The following EDEM3 variants were observed in gnomAD, a reference collection of about 807,000 sequenced individuals.
EDEM3 encodes ER degradation-enhancing alpha-mannosidase-like protein 3.
In EDEM3, 60 loss-of-function variants were observed where a neutral mutation model predicts 110.2. The ratio of observed to expected loss-of-function variants is 0.54; its 90% CI spans 0.44 to 0.67. EDEM3 has a LOEUF of 0.67. Among genes scored for constraint, EDEM3 ranks in the 30% least tolerant of loss-of-function variants. The pLI is 0.00. For missense variants in EDEM3, 996 were observed against 1,121.0 expected (o/e 0.89, Z 1.59); for synonymous variants, 352 against 382.9 (o/e 0.92, Z 0.94).
At chr1:184,719,592 A>C (rs1343230295) in intron 9 of EDEM3, 24 bp from the exon 10 acceptor site, 1 of 1,610,778 alleles carries the variant, frequency 6.2e-7, no homozygotes, top group Non-Finnish European at 8.5e-7. Context: ...ACATGTGTTC[A>C]TGAAAGTTAG....
rs377279843 is a variant in EDEM3, at chr1:184,754,471, G to C, written c.158+18C>G. On this transcript the variant is annotated intron_variant, in intron 1 of 19. Transcript: ENST00000318130. ...CAGCCTCACCGAGAAACCCACCCCA[G>C]GCTGCCAGCACCCTTACCCAAGCTT... The C allele has an allele frequency of 8.7e-6, 14 of 1,612,596 alleles. No homozygotes were observed. The East Asian group carries it at 2.2e-4, about 26-fold the overall frequency.
intron 2 of EDEM3, among the ~76,000 whole-genome samples, chr1:184,740,492 A>C (rs1652076895): frequency 6.6e-6 from 1 of 152,230 alleles, no homozygotes; most frequent in Admixed American, 6.5e-5. Context: ...TAACATGCTC[A>C]TCATGATCAG....
chr1:184,749,597 T>C lies in EDEM3; in HGVS notation c.159-5A>G. The C allele has an allele frequency of 1.9e-6, 3 of 1,545,696 alleles. No homozygotes were observed. The highest frequency in any genetic ancestry group is 2.6e-6 in the Non-Finnish European group (3 of 1,144,654). ...AACATTTCCAGTACTTGATTCCTAA[T>C]TTTAAAAGAGCAGAAATGGAAAAAA... On this transcript the variant is annotated splice_polypyrimidine_tract_variant and splice_region_variant and intron_variant, in intron 1 of 19. Transcript: ENST00000318130.
At chr1:184,739,996 C>A (rs542599888) in intron 2 of EDEM3, among the ~76,000 whole-genome samples, 1 of 152,108 alleles carries the variant, frequency 6.6e-6, no homozygotes, top group Non-Finnish European at 1.5e-5. Context: ...CGAGCCAGGG[C>A]TAGGCTCTTT....
At chr1:184,702,742 A>C (rs1289888604) in intron 19 of EDEM3, 69 bp downstream of exon 19, 1 of 1,304,932 alleles carries the variant, frequency 7.7e-7, no homozygotes, top group Non-Finnish European at 1.0e-6. Flanking sequence ...TTTGTGACTC[A>C]TTCTTGTTAT....
At chr1:184,748,416 C>T (rs1237020336) in intron 2 of EDEM3, among the ~76,000 whole-genome samples, 1 of 150,786 alleles carries the variant, frequency 6.6e-6, no homozygotes, top group Admixed American at 6.6e-5. Flanking sequence ...CGCTATACTC[C>T]ACAGCCTGGG....
At chr1:184,702,668 T>A in intron 19 of EDEM3, 143 bp downstream of exon 19, 1 of 542,894 alleles carries the variant, frequency 1.8e-6, no homozygotes, top group South Asian at 4.9e-5. Flanking sequence ...AAAAGAAAAA[T>A]ATATTTTGAA....
intron 19 of EDEM3, among the ~76,000 whole-genome samples, chr1:184,698,987 C>G (rs543171233): frequency 5.3e-5 from 8 of 151,914 alleles, no homozygotes; most frequent in Non-Finnish European, 1.0e-4. Flanking sequence ...TCCTAAGGTG[C>G]CTGTTTTCAC....
At chr1:184,726,461 A>G (rs12066345) in intron 6 of EDEM3, 72 bp from the exon 7 acceptor site, 2 of 1,480,514 alleles carry the variant, frequency 1.4e-6, no homozygotes, top group Admixed American at 4.0e-5. Context: ...CTACTTTTCA[A>G]TCAAGTCTTT....
Position 184,693,897 on chromosome 1 carries a change from ACAGCATG to A in EDEM3, c.*159_*165del. 1 of 695,648 alleles carries A rather than the reference ACAGCATG, an allele frequency of 1.4e-6. No individual in the cohort carries two copies. Among genetic ancestry groups the A allele is most frequent in the Non-Finnish European group, 2.3e-6 (1 of 432,364 alleles). The allele number at this position is 695,648 out of a possible 1,614,324, so 43.1% of individuals were successfully genotyped here. A position where few individuals can be genotyped will look rare whatever the true frequency, so the allele number is the denominator to read the frequency against. On this transcript the variant is annotated 3_prime_UTR_variant, in exon 20 of 20. Coordinates refer to ENST00000318130, the MANE Select transcript of EDEM3 (RefSeq NM_025191.4). ...AGTTTTAAACAAGGTCAATTCTAAC[ACAGCATG>A]CTCCAGATTCCTACGATAACTACGC...
At chr1:184,725,725 T>A (rs1301802878) in intron 7 of EDEM3, among the ~76,000 whole-genome samples, 1 of 152,026 alleles carries the variant, frequency 6.6e-6, no homozygotes, top group Non-Finnish European at 1.5e-5. Flanking sequence ...ATAATTAGAT[T>A]TTTTTAATGA....
intron 8 of EDEM3, among the ~76,000 whole-genome samples, chr1:184,723,409 A>C (rs1357954456): frequency 6.6e-6 from 1 of 152,048 alleles, no homozygotes; most frequent in Non-Finnish European, 1.5e-5. Context: ...GTAGGAGAAA[A>C]AAAGAATTTA....
rs1173629113 is a variant in EDEM3 at position 184,691,467 on chromosome 1, T to A, written c.*2596A>T. The A allele has an allele frequency of 6.6e-6, 1 of 152,526 alleles. No individual in the cohort carries two copies. Among genetic ancestry groups the A allele is most frequent in the South Asian group, 2.1e-4 (1 of 4,830 alleles). 9.4% of individuals were successfully genotyped at this position (152,526 alleles called of 1,614,324 possible). A position where few individuals can be genotyped will look rare whatever the true frequency, so the allele number is the denominator to read the frequency against. On this transcript the variant is annotated 3_prime_UTR_variant, in exon 20 of 20. Transcript: ENST00000318130. ...TTATATAAATCTTTCTTAAACAATTTTATGGCTGTGGTGATCACTTCAGCT... is the reference window on the plus strand; with the variant it reads ...TTATATAAATCTTTCTTAAACAATTATATGGCTGTGGTGATCACTTCAGCT...
At chr1:184,711,336 G>C (rs1462317794) in intron 15 of EDEM3, among the ~76,000 whole-genome samples, 1 of 152,110 alleles carries the variant, frequency 6.6e-6, no homozygotes, top group Non-Finnish European at 1.5e-5. Context: ...CTGACCTCAG[G>C]TGATCCACCT....
intron 2 of EDEM3, among the ~76,000 whole-genome samples, chr1:184,740,003 C>T (rs376634695): frequency 6.6e-6 from 1 of 152,250 alleles, no homozygotes; most frequent in Non-Finnish European, 1.5e-5. Context: ...GGGCTAGGCT[C>T]TTTAAGTTGG....
At chr1:184,725,013 T>C (rs920516109) in intron 7 of EDEM3, among the ~76,000 whole-genome samples, 4 of 152,164 alleles carry the variant, frequency 2.6e-5, no homozygotes, top group African/African-American at 9.7e-5. Flanking sequence ...TAGGCACAGA[T>C]AAAAACAAAC....
intron 11 of EDEM3, among the ~76,000 whole-genome samples, chr1:184,718,720 T>C (rs1483063732): frequency 6.6e-6 from 1 of 152,190 alleles, no homozygotes; most frequent in Non-Finnish European, 1.5e-5. Context: ...TGGCATTCTA[T>C]ACATTTCCAG....
intron 7 of EDEM3, among the ~76,000 whole-genome samples, chr1:184,724,681 TTACTC>T (rs1173620537): frequency 6.6e-6 from 1 of 152,166 alleles, no homozygotes; most frequent in Admixed American, 6.5e-5. Context: ...TTATAATTCT[TTACTC>T]AAACTATGCT....
rs886747500 is a variant in EDEM3, at chr1:184,691,350, G to A, written c.*2713C>T. 1.3e-5 allele frequency: 2 copies of A among 152,430 alleles called. No individual in the cohort carries two copies. The highest frequency in any genetic ancestry group is 4.8e-5 in the African/African-American group (2 of 41,424). The allele number at this position is 152,430 out of a possible 1,614,324, so 9.4% of individuals were successfully genotyped here. ...TATTTTTAGTAGGTAAACAGGTTAA[G>A]TTTTAAAACTTGAAAATACCTGAAT... On this transcript the variant is annotated 3_prime_UTR_variant, in exon 20 of 20. Coordinates refer to ENST00000318130, the MANE Select transcript of EDEM3 (RefSeq NM_025191.4).
Sources: gnomAD v4.1 joint callset for allele counts (sites outside exome capture counted in the v4.1 genomes callset) on GRCh38, gnomAD v4.1.1 for gene constraint, MANE v1.5 for transcripts, NCBI Gene and HGNC (gene_info 2026-07-23, HGNC 2026-07-21) for gene names.